The following ADGRV1 variants were observed in gnomAD, a reference collection of about 807,000 sequenced individuals.
ADGRV1 encodes G-protein coupled receptor 98.
Under a neutral mutation model 596.2 loss-of-function variants are expected in ADGRV1, and 359 were observed. That is an observed-to-expected ratio of 0.60 (90% CI 0.55 to 0.66). ADGRV1 has a LOEUF of 0.66. Ranked by LOEUF, ADGRV1 falls within the 30% of genes least tolerant of loss-of-function variation. ADGRV1 has a pLI of 0.00. For synonymous variants in ADGRV1, 2,681 were observed against 2,679.2 expected (o/e 1.00, Z -0.02); for missense variants, 7,274 against 7,575.6 (o/e 0.96, Z 1.48).
chr5:90,601,631 T>C (rs1227571988), intron 1 of ADGRV1, among the ~76,000 whole-genome samples: 4 of 152,320 alleles, frequency 2.6e-5, no homozygotes, highest in African/African-American at 9.6e-5. Context: ...GAAGAGGAAG[T>C]AGACTCAGAC....
In ADGRV1 at chr5:91,024,702, A is replaced by C. The variant is rs144326508; in HGVS notation, c.18152+39180A>C. ...CTCTCAGAATACAAACTACAGCATG[A>C]GCGTTCTCCATAGGGTTTAGAATGC... On this transcript the variant is annotated intron_variant, in intron 85 of 89. Transcript: ENST00000405460. Among the ~76,000 whole-genome samples the C allele has an allele frequency of 3.4e-3, 521 of 152,306 alleles. 2 individuals carry two copies. Among genetic ancestry groups the C allele is most frequent in the African/African-American group, 0.012 (500 of 41,580 alleles).
At position 90,841,002 on chromosome 5, in the gene ADGRV1, AT is replaced by A; in HGVS notation, c.17019+19del. The A allele has an allele frequency of 7.1e-7, 1 of 1,406,434 alleles. No individual in the cohort carries two copies. 87.1% of individuals were successfully genotyped at this position (1,406,434 alleles called of 1,614,324 possible). A position where few individuals can be genotyped will look rare whatever the true frequency, so the allele number is the denominator to read the frequency against. Reference sequence around the variant, plus strand: ...ATAGAAAAGGTAAGTTTTTGTGAATATTAGTAATTTGTTTAGTGAAATTTTG... The same window carrying A: ...ATAGAAAAGGTAAGTTTTTGTGAATATAGTAATTTGTTTAGTGAAATTTTG... On this transcript the variant is annotated intron_variant, in intron 78 of 89. Coordinates refer to ENST00000405460, the MANE Select transcript of ADGRV1 (RefSeq NM_032119.4).
At chr5:90,566,004 A>T (rs577141775) in intron 1 of ADGRV1, among the ~76,000 whole-genome samples, 78 of 152,236 alleles carry the variant, frequency 5.1e-4, no homozygotes, top group African/African-American at 1.8e-3. Context: ...TTTTAAAAAT[A>T]GGATTTTGTT....
At chr5:90,812,833 A>G (rs1249201880) in intron 74 of ADGRV1, among the ~76,000 whole-genome samples, 1 of 152,010 alleles carries the variant, frequency 6.6e-6, no homozygotes, top group African/African-American at 2.4e-5. Context: ...ATATATTTCT[A>G]TTAAAATTAA....
At chr5:90,954,705 A>G (rs892413074) in intron 83 of ADGRV1, among the ~76,000 whole-genome samples, 3 of 152,122 alleles carry the variant, frequency 2.0e-5, no homozygotes, top group Non-Finnish European at 2.9e-5. Context: ...TTTAGTCATG[A>G]TTTTATATTT....
At position 90,691,254 on chromosome 5, in the gene ADGRV1, A is replaced by G. The variant is rs1183201675; in HGVS notation, c.6951+213A>G. ...TGTATACATATGCCAGTTTACTACT[A>G]TAAGACTTTTTTGTACAATTAACTT... On this transcript the variant is annotated intron_variant, in intron 31 of 89. Coordinates refer to ENST00000405460, the MANE Select transcript of ADGRV1 (RefSeq NM_032119.4). 1.9e-5 allele frequency: 12 copies of G among 626,978 alleles called. No homozygotes were observed. In the African/African-American group the frequency reaches 2.0e-4, roughly 11 times the overall value. The allele number at this position is 626,978 out of a possible 1,614,324, so 38.8% of individuals were successfully genotyped here.
At chr5:90,568,271 A>G (rs1938165806) in intron 1 of ADGRV1, among the ~76,000 whole-genome samples, 1 of 151,524 alleles carries the variant, frequency 6.6e-6, no homozygotes, top group Non-Finnish European at 1.5e-5. Flanking sequence ...TTCTCTTCCA[A>G]GCATTGCTTT....
chr5:91,080,607 A>AAAAAC (rs1789264543), intron 86 of ADGRV1, among the ~76,000 whole-genome samples: 2 of 151,554 alleles, frequency 1.3e-5, no homozygotes, highest in African/African-American at 4.8e-5. Context: ...AAAAAAAAAA[A>AAAAAC]AAAACTTGAA....
chr5:90,612,430 G>A (rs1319577700), intron 1 of ADGRV1, among the ~76,000 whole-genome samples: 1 of 151,986 alleles, frequency 6.6e-6, no homozygotes, highest in Non-Finnish European at 1.5e-5. Flanking sequence ...GTGATTTGTT[G>A]AAATAAAATG....
intron 57 of ADGRV1, among the ~76,000 whole-genome samples, chr5:90,757,752 T>G (rs545918350): frequency 6.6e-6 from 1 of 152,204 alleles, no homozygotes; most frequent in South Asian, 2.1e-4. Context: ...AACTTGGCAT[T>G]TTGTAATATG....
chr5:90,586,561 CAT>C (rs1758789395), intron 1 of ADGRV1, among the ~76,000 whole-genome samples: 1 of 152,208 alleles, frequency 6.6e-6, no homozygotes, highest in Non-Finnish European at 1.5e-5. Flanking sequence ...GATTACTTCA[CAT>C]GTTTCTTTAG....
chr5:91,075,275 T>C (rs1473835036), intron 86 of ADGRV1, among the ~76,000 whole-genome samples: 1 of 152,114 alleles, frequency 6.6e-6, no homozygotes, highest in Non-Finnish European at 1.5e-5. Context: ...AGAATGGTGG[T>C]TTGTTTTTTC....
chr5:90,849,635 C>T (rs1766282664), intron 79 of ADGRV1, among the ~76,000 whole-genome samples: 1 of 152,184 alleles, frequency 6.6e-6, no homozygotes, highest in Non-Finnish European at 1.5e-5. Flanking sequence ...AGCGATCCAC[C>T]TGTCTTGGCT....
intron 26 of ADGRV1, among the ~76,000 whole-genome samples, chr5:90,680,177 C>G (rs1004834757): frequency 2.0e-5 from 3 of 152,002 alleles, no homozygotes; most frequent in Admixed American, 2.0e-4. Context: ...TAGTAAAACC[C>G]CGTTTCTACT....
intron 60 of ADGRV1, among the ~76,000 whole-genome samples, chr5:90,775,806 C>T (rs1297423677): frequency 2.0e-5 from 3 of 152,092 alleles, no homozygotes; most frequent in Admixed American, 6.6e-5. Context: ...GACTGTGACA[C>T]TTGCTGTGAC....
chr5:90,728,745 T>A lies in ADGRV1; in HGVS notation c.10238T>A (p.Phe3413Tyr). ...PVRGVLTVALFNKGGSVFLAI... is the reference protein window; with the variant it reads ...PVRGVLTVALYNKGGSVFLAI... ...CGAGGTGTGCTGACCGTGGCCTTGTTCAACAAGGGAGGCTCTGTGTTCTTA... is the reference window on the plus strand; with the variant it reads ...CGAGGTGTGCTGACCGTGGCCTTGTACAACAAGGGAGGCTCTGTGTTCTTA... Residue 3413 changes from phenylalanine to tyrosine, a missense_variant, in exon 49 of 90, where the codon TTC (phenylalanine) becomes TAC (tyrosine). Phe to Tyr is a conservative substitution (Grantham distance 22). Transcript: ENST00000405460. The A allele has an allele frequency of 1.9e-6, 3 of 1,613,970 alleles. No individual in the cohort carries two copies. The highest frequency in any genetic ancestry group is 2.5e-6 in the Non-Finnish European group (3 of 1,179,836).
In ADGRV1 at chr5:91,035,861, T is replaced by TATAATATATATATATATATATA; in HGVS notation, c.18153-36586_18153-36585insATAATATATATATATATATATA. Among the ~76,000 whole-genome samples, 887 of 96,192 alleles carry TATAATATATATATATATATATA rather than the reference T, an allele frequency of 9.2e-3. 63 individuals are homozygous for TATAATATATATATATATATATA. The highest frequency in any genetic ancestry group is 0.027 in the Middle Eastern group (5 of 184). 63.1% of individuals were successfully genotyped at this position (96,192 alleles called of 152,430 possible). On this transcript the variant is annotated intron_variant, in intron 85 of 89. Transcript: ENST00000405460. ...ATGAGTGTGTATATATATATATATA[T>TATAATATATATATATATATATA]TATATATATATATATATATATCTTA... is the stretch of plus-strand genomic sequence containing the variant.
chr5:90,748,505 G>A lies in ADGRV1; in HGVS notation c.10975-2046G>A, dbSNP rs150025752. Among the ~76,000 whole-genome samples, 1,488 of 152,202 alleles carry A rather than the reference G, an allele frequency of 9.8e-3. 11 individuals are homozygous for A. The highest frequency in any genetic ancestry group is 0.037 in the Middle Eastern group (11 of 294). ...TTTTAGTGCGCATTTTACACTTATA[G>A]ACTAGCTACACTAACTACATTTCAA... On this transcript the variant is annotated intron_variant, in intron 52 of 89. Coordinates refer to ENST00000405460, the MANE Select transcript of ADGRV1 (RefSeq NM_032119.4).
chr5:90,629,441 A>G lies in ADGRV1; in HGVS notation c.1741A>G (p.Asn581Asp). Residue 581 changes from asparagine (N) to aspartate (D), a missense_variant, in exon 9 of 90, where the codon AAT becomes GAT. Asn to Asp is a conservative substitution (Grantham distance 23). This residue lies in a region of ADGRV1 where 1,715 missense variants were observed against 1,708.8 expected (regional missense o/e 1.00). Transcript: ENST00000405460. Reference sequence around the variant, plus strand: ...AGGCATCTTAAATATATCAAGGAGAAATGACCTCATTTTTCCAGAGCAAAA... The same window carrying G: ...AGGCATCTTAAATATATCAAGGAGAGATGACCTCATTTTTCCAGAGCAAAA... Reference protein sequence around the residue: ...KEGILNISRRNDLIFPEQKTQ... With the variant: ...KEGILNISRRDDLIFPEQKTQ... The G allele has an allele frequency of 1.2e-6, 2 of 1,613,718 alleles. No individual in the cohort carries two copies. Among genetic ancestry groups the G allele is most frequent in the Non-Finnish European group, 1.7e-6 (2 of 1,179,806 alleles).
Sources: gnomAD v4.1 joint callset for allele counts (sites outside exome capture counted in the v4.1 genomes callset) on GRCh38, gnomAD v4.1.1 for gene constraint, gnomAD v4.1.1 regional missense constraint, MANE v1.5 for transcripts, NCBI Gene and HGNC (gene_info 2026-07-23, HGNC 2026-07-21) for gene names.